The following CDH7 variants were observed in gnomAD, a reference collection of about 807,000 sequenced individuals.
CDH7 encodes the protein cadherin 7.
In CDH7, 25 loss-of-function variants were observed where a neutral mutation model predicts 71.8. The observed-to-expected ratio is 0.35, with a 90% CI of 0.25 to 0.49. CDH7 has a LOEUF of 0.49. Among genes scored for constraint, CDH7 ranks in the 20% least tolerant of loss-of-function variants. CDH7 has a pLI of 0.99. For missense variants in CDH7, 862 were observed against 974.6 expected (o/e 0.88, Z 1.54); for synonymous variants, 381 against 363.8 (o/e 1.05, Z -0.54).
rs1263857543 is a variant in CDH7, at chr18:65,862,875, G to A, written c.1822G>A (p.Gly608Arg). 6.2e-7 allele frequency: 1 copy of A among 1,614,180 alleles called. No individual in the cohort carries two copies. Among genetic ancestry groups the A allele is most frequent in the Non-Finnish European group, 8.5e-7 (1 of 1,180,022 alleles). ...AYVLPAGLST[G>R]ALIAILACVL... ...TGTCCTACCTGCTGGCCTCAGTACAGGAGCCCTGATAGCCATACTCGCCTG... is the reference window on the plus strand; with the variant it reads ...TGTCCTACCTGCTGGCCTCAGTACAAGAGCCCTGATAGCCATACTCGCCTG... The change falls in exon 11 of 12, where the codon GGA becomes AGA. Residue 608 changes from glycine to arginine, a missense_variant. Coordinates refer to ENST00000397968, the MANE Select transcript of CDH7 (RefSeq NM_004361.5).
intron 11 of CDH7, among the ~76,000 whole-genome samples, chr18:65,874,694 A>G (rs1914023219): frequency 6.6e-6 from 1 of 151,734 alleles, no homozygotes; most frequent in South Asian, 2.1e-4. Context: ...TCAAATATGC[A>G]TATTTTATAT....
rs1296013039 is a variant in CDH7 at position 65,845,834 on chromosome 18, G to C, written c.1235+1769G>C. On this transcript the variant is annotated intron_variant, in intron 7 of 11. Transcript: ENST00000397968. ...GCAACTTGGGAGGCTGAAACAGGAG[G>C]ATCACTTGAGACCAGGAGTTCTAGA... Among the ~76,000 whole-genome samples, 4 of 151,966 alleles carry C rather than the reference G, an allele frequency of 2.6e-5. No homozygotes were observed. In the East Asian group the frequency reaches 7.7e-4, roughly 29 times the overall value.
intron 2 of CDH7, among the ~76,000 whole-genome samples, chr18:65,764,462 A>G (rs1916294014): frequency 6.6e-6 from 1 of 152,022 alleles, no homozygotes; most frequent in South Asian, 2.1e-4. Flanking sequence ...TAACACCGTC[A>G]TATTTACTGT....
chr18:65,796,193 A>G (rs902399146), intron 2 of CDH7, among the ~76,000 whole-genome samples: 1 of 152,124 alleles, frequency 6.6e-6, no homozygotes, highest in African/African-American at 2.4e-5. Flanking sequence ...ATCTTAATCA[A>G]ATTGCAAGCT....
chr18:65,806,398 ATT>A (rs139863872), intron 2 of CDH7, among the ~76,000 whole-genome samples: 1 of 149,578 alleles, frequency 6.7e-6, no homozygotes, highest in Admixed American at 6.7e-5. Flanking sequence ...ATTAATAGAG[ATT>A]TTTTTTTTGT....
intron 2 of CDH7, among the ~76,000 whole-genome samples, chr18:65,770,914 G>T (rs1916522541): frequency 2.0e-5 from 3 of 152,108 alleles, no homozygotes; most frequent in Non-Finnish European, 4.4e-5. Flanking sequence ...TATCAGATTA[G>T]ATAACTTAAA....
At chr18:65,813,810 A>C (rs1221632908) in intron 3 of CDH7, among the ~76,000 whole-genome samples, 1 of 152,190 alleles carries the variant, frequency 6.6e-6, no homozygotes, top group Non-Finnish European at 1.5e-5. Context: ...AGAATATAAC[A>C]TTTCATCATA....
chr18:65,804,699 C>CGTGTGTGTGTGT (rs56242508), intron 2 of CDH7, among the ~76,000 whole-genome samples: 34,831 of 148,572 alleles, frequency 0.23, 4,744 homozygotes, highest in East Asian at 0.49. Context: ...CCTTAACACA[C>CGTGTGTGTGTGT]GTGTGTGTGT....
chr18:65,842,624 A>G (rs1912775971), intron 6 of CDH7, among the ~76,000 whole-genome samples: 1 of 151,982 alleles, frequency 6.6e-6, no homozygotes, highest in South Asian at 2.1e-4. Context: ...CCTATTGTAT[A>G]CTTATATAAC....
At position 65,808,416 on chromosome 18, in the gene CDH7, A is replaced by T. The variant is rs550300321; in HGVS notation, c.211-1288A>T. Among the ~76,000 whole-genome samples the T allele has an allele frequency of 4.6e-5, 7 of 152,362 alleles. No homozygotes were observed. In the South Asian group the frequency reaches 1.0e-3, roughly 23 times the overall value. On this transcript the variant is annotated intron_variant, in intron 2 of 11. Transcript: ENST00000397968. ...AACACACCTTTTCCCTACACTGAAT[A>T]AACATATGGCTTAGGATCCACTAGA...
intron 2 of CDH7, among the ~76,000 whole-genome samples, chr18:65,779,118 T>C (rs1048819755): frequency 3.3e-5 from 5 of 151,880 alleles, no homozygotes; most frequent in Admixed American, 3.3e-4. Context: ...TATTTTTTAG[T>C]AAATTTTGTA....
chr18:65,768,339 A>G (rs1457356025), intron 2 of CDH7, among the ~76,000 whole-genome samples: 1 of 151,952 alleles, frequency 6.6e-6, no homozygotes, highest in African/African-American at 2.4e-5. Context: ...GGTTCAAGCA[A>G]TTCTCCTGCC....
chr18:65,789,647 TG>T (rs1392179836), intron 2 of CDH7, among the ~76,000 whole-genome samples: 1 of 152,040 alleles, frequency 6.6e-6, no homozygotes, highest in Non-Finnish European at 1.5e-5. Context: ...TGGTGAGGAC[TG>T]AAAAATGGTC....
intron 2 of CDH7, among the ~76,000 whole-genome samples, chr18:65,795,720 A>C (rs1431825663): frequency 1.3e-5 from 2 of 152,162 alleles, no homozygotes; most frequent in Non-Finnish European, 2.9e-5. Context: ...ATGTTCAGGT[A>C]ACATATTATA....
intron 2 of CDH7, among the ~76,000 whole-genome samples, chr18:65,786,956 G>C (rs1910536994): frequency 6.6e-6 from 1 of 152,022 alleles, no homozygotes; most frequent in Non-Finnish European, 1.5e-5. Flanking sequence ...CCCAATAGCT[G>C]GGATTATAGG....
intron 1 of CDH7, among the ~76,000 whole-genome samples, chr18:65,760,460 C>G (rs1015728247): frequency 6.6e-6 from 1 of 152,188 alleles, no homozygotes; most frequent in Admixed American, 6.5e-5. Context: ...TGTATTGTCA[C>G]TCTCTGAAAC....
chr18:65,859,162 C>A, intron 9 of CDH7, 116 bp downstream of exon 9: 1 of 917,620 alleles, frequency 1.1e-6, no homozygotes, highest in Non-Finnish European at 1.7e-6. Flanking sequence ...CTTGTTTCAG[C>A]AAAACTAACA....
At chr18:65,790,420 A>G (rs1054600995) in intron 2 of CDH7, among the ~76,000 whole-genome samples, 1 of 151,988 alleles carries the variant, frequency 6.6e-6, no homozygotes, top group African/African-American at 2.4e-5. Context: ...GGGCCCCTTG[A>G]GAGTGAAGTG....
Position 65,857,872 on chromosome 18 carries a change from G to T in CDH7, c.1292G>T (p.Ser431Ile). The T allele has an allele frequency of 7.4e-6, 12 of 1,612,938 alleles. No individual in the cohort carries two copies. Among genetic ancestry groups the T allele is most frequent in the South Asian group, 1.1e-5 (1 of 91,058 alleles). Residue 431 changes from serine to isoleucine, a missense_variant, in exon 8 of 12, where the codon AGT becomes ATT. Ser to Ile is a moderately radical substitution (Grantham distance 142, BLOSUM62 -2). Coordinates refer to ENST00000397968, the MANE Select transcript of CDH7 (RefSeq NM_004361.5). ...LERYFNIDAN[S>I]GVITTAKSLD... is the part of the protein sequence containing the mutation. ...AGATACTTCAATATTGATGCCAACA[G>T]TGGGGTCATCACAACTGCCAAGTCT...
Sources: allele counts gnomAD v4.1 joint callset (sites outside exome capture counted in the v4.1 genomes callset), GRCh38; gene constraint gnomAD v4.1.1; transcripts MANE v1.5; gene names NCBI Gene and HGNC (gene_info 2026-07-23, HGNC 2026-07-21).